KCNQ5: variants seen among roughly 807,000 people sequenced by gnomAD.
KCNQ5 encodes potassium voltage-gated channel subfamily KQT member 5.
KCNQ5 carries 30 observed loss-of-function variants against 98.2 expected under a neutral mutation model. The observed-to-expected ratio is 0.31, with a 90% CI of 0.23 to 0.41. The LOEUF (loss-of-function observed/expected upper bound fraction) is 0.41. Ranked by LOEUF, KCNQ5 falls within the 10% of genes least tolerant of loss-of-function variation. The pLI is 1.00. For missense variants in KCNQ5, 835 were observed against 1,182.5 expected (o/e 0.71, Z 4.31); for synonymous variants, 458 against 449.4 (o/e 1.02, Z -0.24).
At chr6:73,193,264 C>T (rs891195684) in intron 13 of KCNQ5, among the ~76,000 whole-genome samples, 7 of 151,626 alleles carry the variant, frequency 4.6e-5, no homozygotes, top group African/African-American at 1.7e-4. Context: ...AAGTGATCCG[C>T]TTGCCTTGGC....
At chr6:73,173,912 T>C (rs1012061116) in intron 11 of KCNQ5, among the ~76,000 whole-genome samples, 4 of 152,232 alleles carry the variant, frequency 2.6e-5, no homozygotes, top group Non-Finnish European at 2.9e-5. Flanking sequence ...ATTTATGTAC[T>C]GAACAGGCAG....
intron 1 of KCNQ5, among the ~76,000 whole-genome samples, chr6:72,841,151 C>CTGAA (rs1776771886): frequency 6.6e-6 from 1 of 152,174 alleles, no homozygotes; most frequent in Non-Finnish European, 1.5e-5. Flanking sequence ...TCCTACACCT[C>CTGAA]TTCATAGTCT....
intron 7 of KCNQ5, 34 bp downstream of exon 7, chr6:73,111,437 T>A: frequency 7.1e-7 from 1 of 1,412,526 alleles, no homozygotes; most frequent in Non-Finnish European, 9.9e-7. Flanking sequence ...ATGGCAACAT[T>A]TGTGTCCATA....
At chr6:73,097,700 A>C (rs1774574972) in intron 5 of KCNQ5, among the ~76,000 whole-genome samples, 1 of 152,192 alleles carries the variant, frequency 6.6e-6, no homozygotes. Flanking sequence ...GAATGTAAGG[A>C]AGAGAACAAG....
intron 5 of KCNQ5, among the ~76,000 whole-genome samples, chr6:73,088,023 CT>C (rs35354592): frequency 2.5e-4 from 34 of 133,348 alleles, no homozygotes; most frequent in African/African-American, 6.9e-4. Context: ...CTCTCTCTCT[CT>C]TTTTTTTTTT....
intron 1 of KCNQ5, among the ~76,000 whole-genome samples, chr6:72,760,238 A>C (rs1772194408): frequency 6.6e-6 from 1 of 152,176 alleles, no homozygotes; most frequent in African/African-American, 2.4e-5. Context: ...GAAAGGCTCT[A>C]GTTAGAAGAG....
At chr6:72,666,151 A>C (rs933803929) in intron 1 of KCNQ5, among the ~76,000 whole-genome samples, 1 of 152,210 alleles carries the variant, frequency 6.6e-6, no homozygotes, top group Non-Finnish European at 1.5e-5. Context: ...AAAAGATTTG[A>C]GGAGGTTATT....
At chr6:73,096,308 G>C (rs117143418) in intron 5 of KCNQ5, among the ~76,000 whole-genome samples, 1 of 112,752 alleles carries the variant, frequency 8.9e-6, no homozygotes, top group South Asian at 2.9e-4. Flanking sequence ...AATTCAGAAA[G>C]AGAAAAGCAA....
intron 1 of KCNQ5, among the ~76,000 whole-genome samples, chr6:72,748,547 A>G (rs1375562412): frequency 2.0e-5 from 3 of 152,112 alleles, no homozygotes; most frequent in Non-Finnish European, 4.4e-5. Context: ...CTGAGAAAAG[A>G]CTGTAAATTC....
chr6:73,040,895 G>A (rs1041384537), intron 2 of KCNQ5, among the ~76,000 whole-genome samples: 2 of 152,082 alleles, frequency 1.3e-5, no homozygotes, highest in African/African-American at 2.4e-5. Flanking sequence ...ATGGGGAGTA[G>A]GTTAGAATGT....
intron 1 of KCNQ5, among the ~76,000 whole-genome samples, chr6:72,746,358 A>G (rs1771407595): frequency 6.6e-6 from 1 of 152,146 alleles, no homozygotes; most frequent in Non-Finnish European, 1.5e-5. Context: ...TGGTTTCTTG[A>G]TACCCAGTCT....
chr6:72,874,137 GA>G, intron 1 of KCNQ5, among the ~76,000 whole-genome samples: 1 of 151,872 alleles, frequency 6.6e-6, no homozygotes, highest in Non-Finnish European at 1.5e-5. Flanking sequence ...AGCTAAATGA[GA>G]ATGCCCTTCT....
intron 1 of KCNQ5, among the ~76,000 whole-genome samples, chr6:72,952,850 C>T (rs181968930): frequency 5.9e-4 from 90 of 152,286 alleles, no homozygotes; most frequent in African/African-American, 1.9e-3. Context: ...TTCACTGGGA[C>T]TTTTTGCTAT....
At chr6:73,055,700 A>T in intron 3 of KCNQ5, 2 of 1,129,170 alleles carry the variant, frequency 1.8e-6, no homozygotes, top group South Asian at 2.5e-5. Context: ...TGAAGAGGCT[A>T]TCATGGAGCT....
intron 1 of KCNQ5, among the ~76,000 whole-genome samples, chr6:72,691,669 T>G (rs1433793239): frequency 6.6e-6 from 1 of 152,172 alleles, no homozygotes; most frequent in Non-Finnish European, 1.5e-5. Context: ...TATAATCACT[T>G]TTTTGGTAAC....
intron 1 of KCNQ5, among the ~76,000 whole-genome samples, chr6:72,717,005 A>AG (rs1381511571): frequency 6.6e-6 from 1 of 152,156 alleles, no homozygotes; most frequent in African/African-American, 2.4e-5. Context: ...ATTCTAATGG[A>AG]GGGAGTGATA....
chr6:72,695,188 T>G (rs1044640995), intron 1 of KCNQ5, among the ~76,000 whole-genome samples: 1 of 152,190 alleles, frequency 6.6e-6, no homozygotes, highest in Non-Finnish European at 1.5e-5. Context: ...CCTCTCTATA[T>G]ATATTCTAGG....
chr6:72,703,787 T>C (rs950156106), intron 1 of KCNQ5, among the ~76,000 whole-genome samples: 3 of 152,210 alleles, frequency 2.0e-5, no homozygotes, highest in African/African-American at 7.2e-5. Context: ...CAAGAATGTA[T>C]ATGGCCCTGC....
At chr6:73,098,772 G>T (rs1357120001) in intron 5 of KCNQ5, among the ~76,000 whole-genome samples, 2 of 151,952 alleles carry the variant, frequency 1.3e-5, no homozygotes, top group South Asian at 2.1e-4. Context: ...TAGTTTGAAA[G>T]AAAAAAGGCA....
Sources: allele counts gnomAD v4.1 joint callset (sites outside exome capture counted in the v4.1 genomes callset), GRCh38; gene constraint gnomAD v4.1.1; transcripts MANE v1.5; gene names NCBI Gene and HGNC (gene_info 2026-07-23, HGNC 2026-07-21).